Variants in LRRC7 observed in about 807,000 individuals in gnomAD.
The protein encoded by LRRC7 is leucine rich repeat containing 7.
A neutral mutation model predicts 175.7 loss-of-function variants in LRRC7; 23 were observed. The observed-to-expected ratio is 0.13, with a 90% CI of 0.09 to 0.19. LRRC7 has a LOEUF of 0.19. Ranked by LOEUF, LRRC7 falls within the 10% of genes least tolerant of loss-of-function variation. The probability of loss-of-function intolerance (pLI) is 1.00; values close to 1 mark genes in which losing one functional copy is unlikely to be tolerated. For synonymous variants in LRRC7, 685 were observed against 680.9 expected, an observed-to-expected ratio of 1.01 and a Z score of -0.09; for missense variants, 1,354 against 1,904.7, an observed-to-expected ratio of 0.71 and a Z score of 5.38.
In LRRC7 at chr1:69,732,306, A is replaced by G. The variant is rs552376666; in HGVS notation, c.101-27885A>G. Among the ~76,000 whole-genome samples the G allele has an allele frequency of 1.1e-4, 16 of 152,166 alleles. No homozygotes were observed. In the South Asian group the frequency reaches 3.3e-3, roughly 32 times the overall value. Reference sequence around the variant, plus strand: ...GTTGTTTAGAATTTTTTAAAGTTCGATAGATTTACACAATCTAATGAAAAA... The same window carrying G: ...GTTGTTTAGAATTTTTTAAAGTTCGGTAGATTTACACAATCTAATGAAAAA... On this transcript the variant is annotated intron_variant, in intron 2 of 26. Transcript: ENST00000651989.
chr1:69,858,134 G>A (rs866488089), intron 7 of LRRC7, among the ~76,000 whole-genome samples: 5 of 152,124 alleles, frequency 3.3e-5, no homozygotes, highest in South Asian at 2.1e-4. Context: ...AGACTTAAAT[G>A]TTAGACCTAA....
At chr1:70,097,612 TC>T (rs1558066381) in intron 25 of LRRC7, among the ~76,000 whole-genome samples, 1 of 78,478 alleles carries the variant, frequency 1.3e-5, no homozygotes, top group African/African-American at 5.2e-5. Flanking sequence ...CCCTCCCCCC[TC>T]CCCCCACCCC....
chr1:69,761,677 A>G (rs1399949138), intron 3 of LRRC7, among the ~76,000 whole-genome samples: 2 of 152,008 alleles, frequency 1.3e-5, no homozygotes, highest in Non-Finnish European at 1.5e-5. Flanking sequence ...CACATCAACT[A>G]AAGCCTGGAG....
chr1:69,772,014 A>G (rs1187072989), intron 3 of LRRC7, among the ~76,000 whole-genome samples: 1 of 152,046 alleles, frequency 6.6e-6, no homozygotes, highest in Non-Finnish European at 1.5e-5. Context: ...CCAGCTACTC[A>G]GGAGGCTGAG....
chr1:69,891,048 T>G (rs1001198763), intron 7 of LRRC7, among the ~76,000 whole-genome samples: 19 of 152,252 alleles, frequency 1.2e-4, no homozygotes, highest in Non-Finnish European at 2.6e-4. Context: ...ATTCATGTAT[T>G]CACTGAAGTG....
intron 1 of LRRC7, among the ~76,000 whole-genome samples, chr1:69,651,181 C>T (rs1402445925): frequency 2.0e-5 from 3 of 151,974 alleles, no homozygotes; most frequent in Non-Finnish European, 4.4e-5. Context: ...TATTCATATA[C>T]TGTATAAGTA....
intron 11 of LRRC7, among the ~76,000 whole-genome samples, chr1:69,997,579 A>G (rs1339470004): frequency 6.6e-6 from 1 of 151,722 alleles, no homozygotes; most frequent in African/African-American, 2.4e-5. Flanking sequence ...CGTCCCATCA[A>G]TACCTAATTT....
At chr1:69,997,690 T>C (rs1421166313) in intron 11 of LRRC7, among the ~76,000 whole-genome samples, 2 of 150,310 alleles carry the variant, frequency 1.3e-5, no homozygotes, top group African/African-American at 4.9e-5. Context: ...TCTGTTTATA[T>C]GCTGGATTAC....
At chr1:69,996,719 C>T (rs1296645166) in intron 11 of LRRC7, among the ~76,000 whole-genome samples, 92 of 152,052 alleles carry the variant, frequency 6.1e-4, no homozygotes, top group Non-Finnish European at 1.0e-3. Context: ...AGATATGTGG[C>T]GTTATTTCTG....
intron 2 of LRRC7, among the ~76,000 whole-genome samples, chr1:69,708,699 G>A (rs1664346179): frequency 6.6e-6 from 1 of 152,144 alleles, no homozygotes; most frequent in Non-Finnish European, 1.5e-5. Flanking sequence ...GCATGTTCAT[G>A]TCTGGAGGTC....
chr1:69,924,643 T>C (rs576178941), intron 7 of LRRC7, among the ~76,000 whole-genome samples: 38 of 152,340 alleles, frequency 2.5e-4, no homozygotes, highest in African/African-American at 7.5e-4. Context: ...TTTTGTACAT[T>C]GATTTTATAT....
intron 2 of LRRC7, among the ~76,000 whole-genome samples, chr1:69,721,891 T>G (rs1168994570): frequency 6.6e-6 from 1 of 151,814 alleles, no homozygotes; most frequent in Non-Finnish European, 1.5e-5. Context: ...CCATTTAACC[T>G]TTTTTTAAGT....
At chr1:69,889,158 G>T (rs977240840) in intron 7 of LRRC7, among the ~76,000 whole-genome samples, 2 of 152,152 alleles carry the variant, frequency 1.3e-5, no homozygotes, top group African/African-American at 2.4e-5. Flanking sequence ...TTGATAGAGG[G>T]TCTTTCCTTG....
chr1:69,970,974 C>T (rs1156950761), intron 8 of LRRC7, among the ~76,000 whole-genome samples: 1 of 152,104 alleles, frequency 6.6e-6, no homozygotes, highest in Non-Finnish European at 1.5e-5. Flanking sequence ...GATGGTTTAA[C>T]ATACACAAGT....
At chr1:69,859,876 AAT>A (rs1446359162) in intron 7 of LRRC7, among the ~76,000 whole-genome samples, 6 of 152,128 alleles carry the variant, frequency 3.9e-5, no homozygotes, top group African/African-American at 7.2e-5. Context: ...AGGTTTTAAT[AAT>A]ATGTGTTAAT....
chr1:70,074,167 A>T (rs892160078), intron 23 of LRRC7, among the ~76,000 whole-genome samples: 4 of 151,056 alleles, frequency 2.6e-5, no homozygotes, highest in African/African-American at 9.7e-5. Flanking sequence ...GTGCCACTGC[A>T]CTCCAGCCTG....
At chr1:69,929,556 A>C (rs1053226180) in intron 7 of LRRC7, among the ~76,000 whole-genome samples, 9 of 152,044 alleles carry the variant, frequency 5.9e-5, no homozygotes, top group Non-Finnish European at 1.3e-4. Context: ...CAGCACCTTT[A>C]CCATTGCCTT....
intron 1 of LRRC7, among the ~76,000 whole-genome samples, chr1:69,614,477 G>A (rs570920561): frequency 4.6e-5 from 7 of 152,068 alleles, no homozygotes; most frequent in African/African-American, 1.7e-4. Context: ...AATCAGCTGG[G>A]GAATGTGTTC....
intron 1 of LRRC7, among the ~76,000 whole-genome samples, chr1:69,654,394 T>C (rs577114160): frequency 6.6e-6 from 1 of 152,236 alleles, no homozygotes; most frequent in African/African-American, 2.4e-5. Flanking sequence ...GTTTACCTTT[T>C]ATTTCAACAA....
Sources: gnomAD v4.1 joint callset for allele counts (sites outside exome capture counted in the v4.1 genomes callset) on GRCh38, gnomAD v4.1.1 for gene constraint, MANE v1.5 for transcripts, NCBI Gene and HGNC (gene_info 2026-07-23, HGNC 2026-07-21) for gene names.